Variants in MAP3K1 observed in about 807,000 individuals in gnomAD.
The protein encoded by MAP3K1 is mitogen-activated protein kinase kinase kinase 1, also known as MAP/ERK kinase kinase 1.
In MAP3K1, 36 loss-of-function variants were observed where a neutral mutation model predicts 144.2. The ratio of observed to expected loss-of-function variants is 0.25; its 90% CI spans 0.19 to 0.33. MAP3K1 has a LOEUF of 0.33. Among genes scored for constraint, MAP3K1 ranks in the 10% least tolerant of loss-of-function variants. The pLI, the probability that MAP3K1 is intolerant of heterozygous loss-of-function variation, is 1.00. For synonymous variants in MAP3K1, 718 were observed against 688.7 expected (o/e 1.04, Z -0.67); for missense variants, 1,650 against 1,881.9 (o/e 0.88, Z 2.28).
intron 1 of MAP3K1, among the ~76,000 whole-genome samples, chr5:56,829,035 A>G (rs1031314053): frequency 1.1e-4 from 16 of 152,240 alleles, no homozygotes; most frequent in African/African-American, 2.9e-4. Flanking sequence ...TCACTATTCT[A>G]TTATTTTGGG....
chr5:56,846,822 T>G (rs1311610592), intron 1 of MAP3K1, among the ~76,000 whole-genome samples: 2 of 152,252 alleles, frequency 1.3e-5, no homozygotes, highest in African/African-American at 2.4e-5. Flanking sequence ...TATAAATTTG[T>G]TGATTTTTCT....
Position 56,883,542 on chromosome 5 carries a change from C to G in MAP3K1, c.3682C>G (p.Pro1228Ala), listed in dbSNP as rs928990735. Residue 1228 changes from proline (P) to alanine (A), a missense_variant, in exon 15 of 20, where the codon CCA becomes GCA. Physicochemically the swap from Pro to Ala is conservative, Grantham distance 27. This residue lies in a region of MAP3K1 where 841 missense variants were observed against 886.5 expected (regional missense o/e 0.95). Transcript: ENST00000399503. ...TAATATGTAGACACCAGAGACTCTACCAGGACATACCAAAGCAAAACAACC... is the reference window on the plus strand; with the variant it reads ...TAATATGTAGACACCAGAGACTCTAGCAGGACATACCAAAGCAAAACAACC... ...IIQQDTPETL[P>A]GHTKAKQPYR... The G allele has an allele frequency of 6.2e-7, 1 of 1,613,912 alleles. No homozygotes were observed. Among genetic ancestry groups the G allele is most frequent in the Non-Finnish European group, 8.5e-7 (1 of 1,179,910 alleles).
At chr5:56,878,042 C>CAT (rs1264028721) in intron 10 of MAP3K1, among the ~76,000 whole-genome samples, 18 of 152,308 alleles carry the variant, frequency 1.2e-4, no homozygotes, top group African/African-American at 4.1e-4. Flanking sequence ...TCAGTGGGTA[C>CAT]ATATGCCCAT....
At position 56,882,003 on chromosome 5, in the gene MAP3K1, T is replaced by G; in HGVS notation, c.2803T>G (p.Ser935Ala). The G allele has an allele frequency of 6.3e-7, 1 of 1,594,376 alleles. No individual in the cohort carries two copies. The highest frequency in any genetic ancestry group is 8.5e-7 in the Non-Finnish European group (1 of 1,173,132). The change falls in exon 14 of 20, where the codon TCA (serine) becomes GCA (alanine). Residue 935 changes from serine (S) to alanine (A), a missense_variant. Transcript: ENST00000399503. ...EDISERLASI[S>A]VGPSSSTTTT... Reference sequence around the variant, plus strand: ...CATTTCTGAGAGACTGGCCAGCATTTCAGTAGGACCTTCTAGTTCAACAAC... The same window carrying G: ...CATTTCTGAGAGACTGGCCAGCATTGCAGTAGGACCTTCTAGTTCAACAAC...
At position 56,816,012 on chromosome 5, in the gene MAP3K1, C is replaced by T. The variant is rs1389464182; in HGVS notation, c.439C>T (p.Arg147Trp). The T allele has an allele frequency of 8.2e-6, 10 of 1,224,202 alleles. No individual in the cohort carries two copies. Among genetic ancestry groups the T allele is most frequent in the African/African-American group, 1.6e-5 (1 of 63,544 alleles). 75.8% of individuals were successfully genotyped at this position (1,224,202 alleles called of 1,614,324 possible). A position where few individuals can be genotyped will look rare whatever the true frequency, so the allele number is the denominator to read the frequency against. ...CGCAGCGGCCGAGCCCGGGGAGAAG[C>T]GGGCGCCCGCCGCCGAGCCGTCTCC... ...SPAAAEPGEKRAPAAEPSPAA... is the reference protein window; with the variant it reads ...SPAAAEPGEKWAPAAEPSPAA... The change falls in exon 1 of 20, where the codon CGG (arginine) becomes TGG (tryptophan). Residue 147 changes from arginine (R) to tryptophan (W), a missense_variant. By Grantham distance (101) the Arg-to-Trp change is moderately radical. This residue lies in a region of MAP3K1 where 360 missense variants were observed against 274.7 expected (regional missense o/e 1.31). Transcript: ENST00000399503.
rs1748669552 is a variant in MAP3K1, at chr5:56,895,264, T to A, written c.*1584T>A. 4.3e-6 allele frequency: 1 copy of A among 232,292 alleles called. No homozygotes were observed. Among genetic ancestry groups the A allele is most frequent in the East Asian group, 6.1e-5 (1 of 16,410 alleles). 14.4% of individuals were successfully genotyped at this position (232,292 alleles called of 1,614,324 possible). On this transcript the variant is annotated 3_prime_UTR_variant, in exon 20 of 20. Coordinates refer to ENST00000399503, the MANE Select transcript of MAP3K1 (RefSeq NM_005921.2). The stretch of plus-strand genomic sequence containing the variant: ...GTTTCTTAGTGAAATTTTACATTCC[T>A]TTGTTTTGGAAGATTGGCGATATTT...
At chr5:56,863,060 A>G (rs1423377232) in intron 3 of MAP3K1, among the ~76,000 whole-genome samples, 1 of 152,226 alleles carries the variant, frequency 6.6e-6, no homozygotes, top group Non-Finnish European at 1.5e-5. Flanking sequence ...ACAGCCAGCC[A>G]GCCTATTTGT....
In MAP3K1 at chr5:56,865,686, TATA is replaced by T. The variant is rs761182103; in HGVS notation, c.1153-140_1153-138del. ...TAAGAATGTTGTCCTTAGTAAAAAC[TATA>T]ATGTGTTCTTATTTTTGAAGCTCTT... On this transcript the variant is annotated intron_variant, in intron 5 of 19. Coordinates refer to ENST00000399503, the MANE Select transcript of MAP3K1 (RefSeq NM_005921.2). 5.0e-4 allele frequency: 455 copies of T among 908,716 alleles called. 1 individual carries two copies. The highest frequency in any genetic ancestry group is 3.5e-4 in the Non-Finnish European group (203 of 578,384). The allele number at this position is 908,716 out of a possible 1,614,324, so 56.3% of individuals were successfully genotyped here.
intron 1 of MAP3K1, among the ~76,000 whole-genome samples, chr5:56,831,095 A>T (rs561659309): frequency 6.6e-6 from 1 of 152,132 alleles, no homozygotes; most frequent in African/African-American, 2.4e-5. Context: ...GTGTTCTTGC[A>T]TTAAAATAGC....
intron 1 of MAP3K1, among the ~76,000 whole-genome samples, chr5:56,840,649 C>T (rs956248900): frequency 3.3e-5 from 5 of 152,136 alleles, no homozygotes; most frequent in South Asian, 2.1e-4. Flanking sequence ...TGAGATTAAG[C>T]GTATCTGATA....
chr5:56,877,060 T>A (rs1748054493), intron 10 of MAP3K1, among the ~76,000 whole-genome samples: 1 of 152,210 alleles, frequency 6.6e-6, no homozygotes, highest in African/African-American at 2.4e-5. Flanking sequence ...CTAATGTACA[T>A]TGTGAACCTA....
intron 17 of MAP3K1, 116 bp from the exon 18 acceptor site, chr5:56,887,262 A>ATG: frequency 1.1e-6 from 1 of 943,686 alleles, no homozygotes; most frequent in Non-Finnish European, 1.7e-6. Flanking sequence ...CACCTCTGAC[A>ATG]TGTAGTTCAC....
intron 4 of MAP3K1, 34 bp from the exon 5 acceptor site, chr5:56,865,306 T>G (rs1386446560): frequency 8.4e-7 from 1 of 1,191,454 alleles, no homozygotes; most frequent in African/African-American, 1.5e-5. Flanking sequence ...ACCACAGATG[T>G]ATTAACCTAT....
chr5:56,850,622 A>G (rs1019350481), intron 1 of MAP3K1, among the ~76,000 whole-genome samples: 2 of 152,212 alleles, frequency 1.3e-5, no homozygotes, highest in Non-Finnish European at 2.9e-5. Context: ...TCATAGCAGC[A>G]GAGAGTACAG....
At chr5:56,823,781 A>G (rs1285328766) in intron 1 of MAP3K1, among the ~76,000 whole-genome samples, 3 of 152,220 alleles carry the variant, frequency 2.0e-5, no homozygotes, top group Non-Finnish European at 4.4e-5. Flanking sequence ...GGACAGCTTA[A>G]TGTAGTAGAG....
intron 19 of MAP3K1, among the ~76,000 whole-genome samples, chr5:56,891,701 G>A (rs949960679): frequency 6.6e-6 from 1 of 151,962 alleles, no homozygotes; most frequent in Non-Finnish European, 1.5e-5. Context: ...AATCCATCTT[G>A]AATTTTTTTA....
At chr5:56,853,895 C>T (rs1747252798) in intron 1 of MAP3K1, among the ~76,000 whole-genome samples, 1 of 151,718 alleles carries the variant, frequency 6.6e-6, no homozygotes. Context: ...TTAGTCTAAG[C>T]CCGGGGGGAA....
At chr5:56,885,801 G>C (rs1188729279) in intron 16 of MAP3K1, 131 bp from the exon 17 acceptor site, 1 of 745,774 alleles carries the variant, frequency 1.3e-6, no homozygotes, top group Non-Finnish European at 2.3e-6. Flanking sequence ...GAATATGTTA[G>C]TTTTGAAATG....
In MAP3K1 at chr5:56,881,856, C is replaced by G. The variant is rs1261849638; in HGVS notation, c.2656C>G (p.Gln886Glu). The change falls in exon 14 of 20, where the codon CAG becomes GAG. Residue 886 changes from glutamine (Q) to glutamate (E), a missense_variant. This residue lies in a region of MAP3K1 where 841 missense variants were observed against 886.5 expected (regional missense o/e 0.95). Transcript: ENST00000399503. ...TLDGQQDSFL[Q>E]ASVPNNYLET... is the part of the protein sequence containing the mutation. ...GGATGGTCAACAGGACAGCTTCTTG[C>G]AGGCATCTGTTCCCAACAACTATCT... 2 of 1,614,086 alleles carry G rather than the reference C, an allele frequency of 1.2e-6. No individual in the cohort carries two copies. The highest frequency in any genetic ancestry group is 1.1e-5 in the South Asian group (1 of 91,084).
Sources: gnomAD v4.1 joint callset for allele counts (sites outside exome capture counted in the v4.1 genomes callset) on GRCh38, gnomAD v4.1.1 for gene constraint, gnomAD v4.1.1 regional missense constraint, MANE v1.5 for transcripts, NCBI Gene and HGNC (gene_info 2026-07-23, HGNC 2026-07-21) for gene names.